DTNB: variants seen among roughly 807,000 people sequenced by gnomAD.
DTNB encodes the protein dystrobrevin beta, also known as DTN-B.
In DTNB, 63 loss-of-function variants were observed where a neutral mutation model predicts 90.7. The observed-to-expected ratio is 0.69, with a 90% CI of 0.57 to 0.86. The LOEUF (loss-of-function observed/expected upper bound fraction) is 0.86, where lower values mean the gene tolerates loss of function less well. Ranked by LOEUF, DTNB falls within the 40% of genes least tolerant of loss-of-function variation. The pLI is 0.00. For missense variants in DTNB, 744 were observed against 807.1 expected (o/e 0.92, Z 0.95); for synonymous variants, 277 against 286.7 (o/e 0.97, Z 0.34).
chr2:25,644,863 C>T (rs912588532), intron 2 of DTNB, among the ~76,000 whole-genome samples: 1 of 151,732 alleles, frequency 6.6e-6, no homozygotes, highest in African/African-American at 2.4e-5. Flanking sequence ...GAATAAAAAC[C>T]CTGGGGGACA....
intron 9 of DTNB, among the ~76,000 whole-genome samples, chr2:25,513,730 G>GAAAAA (rs1435482282): frequency 8.3e-5 from 5 of 60,498 alleles, no homozygotes; most frequent in African/African-American, 3.2e-4. Context: ...CCATCTCAAA[G>GAAAAA]AAAAAACAAA....
chr2:25,558,147 A>G (rs1055594296), intron 8 of DTNB: 2 of 952,174 alleles, frequency 2.1e-6, no homozygotes, highest in Non-Finnish European at 2.5e-6. Context: ...CACATTTCAT[A>G]GCTAGACATT....
intron 3 of DTNB, among the ~76,000 whole-genome samples, chr2:25,634,073 G>C (rs923514136): frequency 3.9e-5 from 6 of 151,944 alleles, no homozygotes; most frequent in Non-Finnish European, 8.8e-5. Context: ...GAGGGAGGTG[G>C]GGGGGTCAGC....
At chr2:25,568,725 T>C (rs907509943) in intron 8 of DTNB, among the ~76,000 whole-genome samples, 1 of 152,168 alleles carries the variant, frequency 6.6e-6, no homozygotes, top group African/African-American at 2.4e-5. Context: ...TCCAAACAGA[T>C]ACTGGGTAGA....
chr2:25,612,096 T>A (rs1290368752), intron 4 of DTNB, among the ~76,000 whole-genome samples: 3 of 152,180 alleles, frequency 2.0e-5, no homozygotes. Flanking sequence ...TTTTTGAATG[T>A]GCATATTCAT....
chr2:25,516,881 A>T (rs1475879343), intron 9 of DTNB, among the ~76,000 whole-genome samples: 1 of 152,172 alleles, frequency 6.6e-6, no homozygotes, highest in Non-Finnish European at 1.5e-5. Flanking sequence ...ACAACAGCAA[A>T]ACCCTGTATC....
chr2:25,661,172 A>C (rs558440092), intron 1 of DTNB, among the ~76,000 whole-genome samples: 13 of 152,342 alleles, frequency 8.5e-5, no homozygotes, highest in African/African-American at 3.1e-4. Context: ...TAATCTCAAC[A>C]TAAGGAAGGA....
intron 9 of DTNB, among the ~76,000 whole-genome samples, chr2:25,492,884 G>A (rs1265817164): frequency 6.6e-6 from 1 of 152,102 alleles, no homozygotes; most frequent in Non-Finnish European, 1.5e-5. Flanking sequence ...AAAGTCAGCT[G>A]AAGCCTGGAG....
chr2:25,389,888 G>A (rs998346361), intron 16 of DTNB, among the ~76,000 whole-genome samples: 7 of 150,632 alleles, frequency 4.6e-5, no homozygotes, highest in Non-Finnish European at 7.4e-5. Flanking sequence ...GTGTGTATGT[G>A]TATTTTGAGA....
intron 1 of DTNB, among the ~76,000 whole-genome samples, chr2:25,672,123 G>T (rs2086068906): frequency 6.8e-6 from 1 of 147,300 alleles, no homozygotes; most frequent in Non-Finnish European, 1.5e-5. Context: ...GTGGTAGCAT[G>T]GCCACAGAAA....
At chr2:25,467,943 T>C (rs141620924) in intron 10 of DTNB, among the ~76,000 whole-genome samples, 590 of 152,184 alleles carry the variant, frequency 3.9e-3, no homozygotes, top group Middle Eastern at 0.014. Context: ...AGTATACACA[T>C]GGTATACACA....
chr2:25,530,496 A>G (rs1205049009), intron 9 of DTNB, among the ~76,000 whole-genome samples: 1 of 152,186 alleles, frequency 6.6e-6, no homozygotes, highest in Non-Finnish European at 1.5e-5. Flanking sequence ...TGCTCCAAAC[A>G]TATTATTTAG....
chr2:25,539,570 G>T (rs2151002493), intron 8 of DTNB, among the ~76,000 whole-genome samples: 1 of 144,442 alleles, frequency 6.9e-6, no homozygotes, highest in Admixed American at 6.9e-5. Flanking sequence ...GGGTTGCACT[G>T]GATTGCCTTT....
At chr2:25,627,999 G>C (rs1411564829) in intron 4 of DTNB, among the ~76,000 whole-genome samples, 172 bp downstream of exon 4, 1 of 152,132 alleles carries the variant, frequency 6.6e-6, no homozygotes, top group African/African-American at 2.4e-5. Flanking sequence ...GCCTCCCAAA[G>C]TGCTGGGACT....
chr2:25,512,937 C>A (rs1230305127), intron 9 of DTNB, among the ~76,000 whole-genome samples: 2 of 152,210 alleles, frequency 1.3e-5, no homozygotes, highest in African/African-American at 4.8e-5. Context: ...TGAATTCCAG[C>A]ACGAGGAGTG....
At chr2:25,530,875 A>G (rs945591093) in intron 9 of DTNB, among the ~76,000 whole-genome samples, 7 of 152,200 alleles carry the variant, frequency 4.6e-5, no homozygotes, top group Non-Finnish European at 8.8e-5. Context: ...TACAGGCTGA[A>G]TCTTACCCTT....
intron 19 of DTNB, among the ~76,000 whole-genome samples, chr2:25,381,675 C>T (rs1363234735): frequency 6.6e-6 from 1 of 152,228 alleles, no homozygotes; most frequent in Non-Finnish European, 1.5e-5. Flanking sequence ...CATGCCCAGC[C>T]TAGTCTGACC....
At chr2:25,599,515 G>A (rs2065384337) in intron 5 of DTNB, among the ~76,000 whole-genome samples, 2 of 151,568 alleles carry the variant, frequency 1.3e-5, no homozygotes, top group Non-Finnish European at 2.9e-5. Flanking sequence ...CTAATTTTTT[G>A]TATTTTTAGT....
intron 5 of DTNB, among the ~76,000 whole-genome samples, chr2:25,599,775 A>T (rs1424794149): frequency 6.6e-6 from 1 of 152,210 alleles, no homozygotes; most frequent in African/African-American, 2.4e-5. Flanking sequence ...AAAGGAGGGA[A>T]GAACATAAAT....
Sources: allele counts gnomAD v4.1 joint callset (sites outside exome capture counted in the v4.1 genomes callset), GRCh38; gene constraint gnomAD v4.1.1; transcripts MANE v1.5; gene names NCBI Gene and HGNC (gene_info 2026-07-23, HGNC 2026-07-21).